The following CACNA2D3 variants were observed in gnomAD, a reference collection of about 807,000 sequenced individuals.
The protein encoded by CACNA2D3 is calcium voltage-gated channel auxiliary subunit alpha2delta 3, also known as voltage-dependent calcium channel subunit alpha-2/delta-3.
Under a neutral mutation model 160.6 loss-of-function variants are expected in CACNA2D3, and 60 were observed. The ratio of observed to expected loss-of-function variants is 0.37; its 90% CI spans 0.30 to 0.46. The LOEUF (loss-of-function observed/expected upper bound fraction) is 0.46, where lower values mean the gene tolerates loss of function less well. CACNA2D3 is among the 20% of genes least tolerant of loss of function. CACNA2D3 has a pLI of 1.00. For missense variants in CACNA2D3, 1,205 were observed against 1,365.0 expected, an observed-to-expected ratio of 0.88 and a Z score of 1.85; for synonymous variants, 558 against 492.9, an observed-to-expected ratio of 1.13 and a Z score of -1.75.
intron 2 of CACNA2D3, among the ~76,000 whole-genome samples, chr3:54,196,038 C>T (rs939112303): frequency 6.6e-6 from 1 of 152,142 alleles, no homozygotes; most frequent in Non-Finnish European, 1.5e-5. Context: ...TGTTGGTGGC[C>T]ATCAAGATAT....
intron 31 of CACNA2D3, among the ~76,000 whole-genome samples, chr3:54,998,920 A>G (rs942664731): frequency 2.0e-5 from 3 of 151,848 alleles, no homozygotes; most frequent in Non-Finnish European, 2.9e-5. Context: ...CTAATTTTTT[A>G]TATTTTTAGT....
In CACNA2D3 at chr3:54,492,787, T is replaced by A. The variant is rs1192371559; in HGVS notation, c.382-10705T>A. The stretch of plus-strand genomic sequence containing the variant: ...TCTCCCTGTATTTCCCAAACTTTGT[T>A]CATTGAAAAAGAAAAAACCTGTTTC... On this transcript the variant is annotated intron_variant, in intron 4 of 37. Coordinates refer to ENST00000474759, the MANE Select transcript of CACNA2D3 (RefSeq NM_018398.3). Among the ~76,000 whole-genome samples the A allele has an allele frequency of 2.6e-5, 4 of 152,306 alleles. No individual in the cohort carries two copies. The East Asian group carries it at 5.8e-4, about 22-fold the overall frequency.
chr3:54,916,388 C>T (rs1036299719), intron 27 of CACNA2D3, among the ~76,000 whole-genome samples: 1 of 152,176 alleles, frequency 6.6e-6, no homozygotes, highest in Non-Finnish European at 1.5e-5. Flanking sequence ...GAGCCATGTC[C>T]ACTGAGTGGC....
At chr3:54,518,825 A>T (rs1353349363) in intron 5 of CACNA2D3, among the ~76,000 whole-genome samples, 2 of 151,984 alleles carry the variant, frequency 1.3e-5, no homozygotes, top group African/African-American at 2.4e-5. Context: ...TTTGGTGGTT[A>T]TTTTTTTTAC....
chr3:54,145,221 G>A (rs931952315), intron 2 of CACNA2D3, among the ~76,000 whole-genome samples: 1 of 152,202 alleles, frequency 6.6e-6, no homozygotes, highest in Admixed American at 6.5e-5. Context: ...ATTAACAATG[G>A]CTAATTAAAA....
In CACNA2D3 at chr3:54,724,002, A is replaced by T. The variant is rs539805636; in HGVS notation, c.1168-28597A>T. 1.6e-4 allele frequency among the ~76,000 whole-genome samples: 25 copies of T among 152,362 alleles called. No homozygotes were observed. In the South Asian group the frequency reaches 5.2e-3, roughly 32 times the overall value. The stretch of plus-strand genomic sequence containing the variant: ...ATTGGATAAAGAGTCAAGACCCATC[A>T]GTGTGCTGTATTCAGGAGACCCATC... On this transcript the variant is annotated intron_variant, in intron 11 of 37. Transcript: ENST00000474759.
chr3:54,557,199 C>T (rs1230642963), intron 5 of CACNA2D3, among the ~76,000 whole-genome samples: 3 of 152,142 alleles, frequency 2.0e-5, no homozygotes, highest in African/African-American at 7.2e-5. Flanking sequence ...GTGTGTACAA[C>T]ACAGCCCCCA....
At chr3:54,618,413 A>ACACG (rs1698910294) in intron 9 of CACNA2D3, among the ~76,000 whole-genome samples, 1 of 147,798 alleles carries the variant, frequency 6.8e-6, no homozygotes, top group Non-Finnish European at 1.5e-5. Context: ...ACACACACAC[A>ACACG]GTGCCTTACA....
chr3:54,597,043 C>G (rs1702968062), intron 9 of CACNA2D3, among the ~76,000 whole-genome samples: 1 of 152,158 alleles, frequency 6.6e-6, no homozygotes. Context: ...TCAGGCTCTC[C>G]ATAGATAGCA....
intron 13 of CACNA2D3, among the ~76,000 whole-genome samples, chr3:54,804,629 T>A (rs970357640): frequency 2.0e-5 from 3 of 152,164 alleles, no homozygotes; most frequent in African/African-American, 7.2e-5. Context: ...ACTGTTAATA[T>A]TAGACAGATC....
At chr3:54,336,483 G>A (rs955747128) in intron 3 of CACNA2D3, among the ~76,000 whole-genome samples, 9 of 152,170 alleles carry the variant, frequency 5.9e-5, no homozygotes, top group South Asian at 2.1e-4. Context: ...GCATCAGGCC[G>A]GTCCTTAATG....
intron 2 of CACNA2D3, among the ~76,000 whole-genome samples, chr3:54,271,320 T>C (rs546203433): frequency 6.6e-6 from 1 of 152,264 alleles, no homozygotes; most frequent in Non-Finnish European, 1.5e-5. Flanking sequence ...CATCCTCTGT[T>C]CCCTGCTGAG....
At chr3:54,592,838 A>G (rs1702886299) in intron 9 of CACNA2D3, among the ~76,000 whole-genome samples, 1 of 152,234 alleles carries the variant, frequency 6.6e-6, no homozygotes, top group Admixed American at 6.5e-5. Flanking sequence ...TAAACTAACA[A>G]AAGTACACAC....
chr3:54,232,592 C>G (rs1477205402), intron 2 of CACNA2D3, among the ~76,000 whole-genome samples: 1 of 152,172 alleles, frequency 6.6e-6, no homozygotes, highest in East Asian at 1.9e-4. Context: ...AGCCCCACCC[C>G]TGCTTTGAAC....
At chr3:54,969,891 G>A in intron 29 of CACNA2D3, 47 bp downstream of exon 29, 1 of 1,546,506 alleles carries the variant, frequency 6.5e-7, no homozygotes, top group Non-Finnish European at 8.9e-7. Flanking sequence ...GATAGAAGGT[G>A]ACAGATGGTG....
At chr3:54,515,523 G>A (rs907983208) in intron 5 of CACNA2D3, among the ~76,000 whole-genome samples, 1 of 152,214 alleles carries the variant, frequency 6.6e-6, no homozygotes, top group Admixed American at 6.5e-5. Flanking sequence ...GGTGAAAATG[G>A]CCAACAGTAG....
At chr3:54,901,823 C>G (rs534035548) in intron 27 of CACNA2D3, among the ~76,000 whole-genome samples, 29 of 152,288 alleles carry the variant, frequency 1.9e-4, no homozygotes, top group African/African-American at 6.7e-4. Flanking sequence ...CCCACGAAGG[C>G]AGTGACCTCA....
intron 14 of CACNA2D3, among the ~76,000 whole-genome samples, chr3:54,832,011 T>TCACACACACA (rs60020847): frequency 5.4e-4 from 64 of 118,872 alleles, no homozygotes; most frequent in Non-Finnish European, 6.2e-4. Flanking sequence ...CTCTTCTCTG[T>TCACACACACA]CACACACACA....
chr3:54,428,571 G>T (rs1699942506), intron 4 of CACNA2D3, among the ~76,000 whole-genome samples: 1 of 151,402 alleles, frequency 6.6e-6, no homozygotes, highest in South Asian at 2.1e-4. Context: ...CTGGAACTTT[G>T]ATATATTTCT....
Sources: gnomAD v4.1 joint callset for allele counts (sites outside exome capture counted in the v4.1 genomes callset) on GRCh38, gnomAD v4.1.1 for gene constraint, MANE v1.5 for transcripts, NCBI Gene and HGNC (gene_info 2026-07-23, HGNC 2026-07-21) for gene names.